ULK4: variants seen among roughly 807,000 people sequenced by gnomAD.
ULK4 encodes the protein unc-51 like kinase 4.
In ULK4, 133 loss-of-function variants were observed where a neutral mutation model predicts 160.6. The ratio of observed to expected loss-of-function variants is 0.83; its 90% CI spans 0.72 to 0.96. The LOEUF (loss-of-function observed/expected upper bound fraction) is 0.96. Ranked by LOEUF, ULK4 falls within the 40% of genes least tolerant of loss-of-function variation. The pLI is 0.00. For synonymous variants in ULK4, 534 were observed against 539.8 expected, an observed-to-expected ratio of 0.99 and a Z score of 0.15; for missense variants, 1,580 against 1,499.5, an observed-to-expected ratio of 1.05 and a Z score of -0.89.
rs555337247 is a variant in ULK4, at chr3:41,299,623, G to C, written c.3679-50049C>G. On this transcript the variant is annotated intron_variant, in intron 35 of 36. Transcript: ENST00000301831. ...TTAATGCTGCAATATTTAACTGAAA[G>C]AGTTGGGGGTCTCCTAAAAATTTAG... is the stretch of plus-strand genomic sequence containing the variant. Among the ~76,000 whole-genome samples, 6 of 152,318 alleles carry C rather than the reference G, an allele frequency of 3.9e-5. No homozygotes were observed. In the East Asian group the frequency reaches 1.2e-3, roughly 29 times the overall value.
At chr3:41,698,652 C>G (rs1010049339) in intron 27 of ULK4, among the ~76,000 whole-genome samples, 4 of 152,246 alleles carry the variant, frequency 2.6e-5, no homozygotes, top group African/African-American at 9.6e-5. Context: ...AAGTTCTAAA[C>G]CTTTTTTCAT....
intron 19 of ULK4, among the ~76,000 whole-genome samples, chr3:41,814,634 G>A (rs1272895348): frequency 6.6e-6 from 1 of 151,990 alleles, no homozygotes; most frequent in Non-Finnish European, 1.5e-5. Flanking sequence ...GTCATATTTT[G>A]CTTTCATGTA....
chr3:41,705,835 C>T (rs146746123), intron 25 of ULK4, among the ~76,000 whole-genome samples: 10 of 151,990 alleles, frequency 6.6e-5, no homozygotes, highest in Non-Finnish European at 1.5e-4. Flanking sequence ...TAAGCATTTA[C>T]GAAAGTGAGA....
intron 34 of ULK4, among the ~76,000 whole-genome samples, chr3:41,438,373 A>G (rs1354020777): frequency 6.6e-6 from 1 of 152,174 alleles, no homozygotes; most frequent in Non-Finnish European, 1.5e-5. Flanking sequence ...GCACTTTAAA[A>G]TGTGCCAGGG....
intron 35 of ULK4, among the ~76,000 whole-genome samples, chr3:41,262,558 A>G (rs1575367025): frequency 1.3e-5 from 2 of 151,636 alleles, no homozygotes; most frequent in Admixed American, 6.6e-5. Flanking sequence ...ACCTCCATTC[A>G]CCTCTCTTGC....
intron 31 of ULK4, among the ~76,000 whole-genome samples, chr3:41,580,549 A>G (rs2030228439): frequency 6.6e-6 from 1 of 152,136 alleles, no homozygotes; most frequent in Non-Finnish European, 1.5e-5. Flanking sequence ...ACTCTGAACC[A>G]CGGCATCCAA....
chr3:41,739,422 C>G (rs570401023), intron 22 of ULK4, among the ~76,000 whole-genome samples: 2 of 152,016 alleles, frequency 1.3e-5, no homozygotes, highest in African/African-American at 4.8e-5. Flanking sequence ...CAAGCCTAAT[C>G]AGAAGTGTCC....
chr3:41,859,260 G>C, intron 17 of ULK4: 1 of 547,536 alleles, frequency 1.8e-6, no homozygotes. Context: ...AGTCAAGAAA[G>C]GTGGTCTGGT....
intron 35 of ULK4, among the ~76,000 whole-genome samples, chr3:41,251,683 T>A (rs572170643): frequency 1.0e-3 from 154 of 152,314 alleles, no homozygotes; most frequent in South Asian, 4.4e-3. Flanking sequence ...GGCCATTCTG[T>A]GATGGCAGCA....
intron 2 of ULK4, among the ~76,000 whole-genome samples, chr3:41,954,243 C>T (rs1025974568): frequency 2.7e-5 from 4 of 150,740 alleles, no homozygotes; most frequent in African/African-American, 9.7e-5. Context: ...GCCTGTAGTC[C>T]CAGCTACTCT....
intron 30 of ULK4, among the ~76,000 whole-genome samples, chr3:41,623,914 T>C (rs758231907): frequency 1.3e-5 from 2 of 151,634 alleles, no homozygotes; most frequent in Non-Finnish European, 2.9e-5. Context: ...ACACATATCA[T>C]AACATTACAC....
chr3:41,953,555 C>A (rs1386802525), intron 2 of ULK4, among the ~76,000 whole-genome samples: 1 of 151,466 alleles, frequency 6.6e-6, no homozygotes, highest in African/African-American at 2.4e-5. Flanking sequence ...AGGTGTGAGC[C>A]ACCACACCCA....
intron 32 of ULK4, among the ~76,000 whole-genome samples, chr3:41,563,001 G>T (rs1300841545): frequency 3.3e-5 from 5 of 152,180 alleles, no homozygotes; most frequent in Admixed American, 1.3e-4. Flanking sequence ...GCTGCTACAG[G>T]TTGTTCCTTT....
intron 35 of ULK4, among the ~76,000 whole-genome samples, chr3:41,334,608 C>T (rs1412731564): frequency 6.6e-6 from 1 of 152,176 alleles, no homozygotes; most frequent in African/African-American, 2.4e-5. Flanking sequence ...CTGCTGGAGC[C>T]TGCTGCGTCT....
At chr3:41,713,803 C>T (rs2037177143) in intron 25 of ULK4, among the ~76,000 whole-genome samples, 1 of 152,116 alleles carries the variant, frequency 6.6e-6, no homozygotes. Context: ...ACGAGTTCTC[C>T]CCAATATACA....
chr3:41,454,600 A>C (rs948109444), intron 34 of ULK4, among the ~76,000 whole-genome samples: 1 of 152,080 alleles, frequency 6.6e-6, no homozygotes, highest in African/African-American at 2.4e-5. Flanking sequence ...AATTGGCAAA[A>C]ATATAAAGTT....
At position 41,246,677 on chromosome 3, in the gene ULK4, C is replaced by G; in HGVS notation, c.*252G>C. The G allele has an allele frequency of 4.2e-6, 2 of 480,750 alleles. No homozygotes were observed. The highest frequency in any genetic ancestry group is 7.5e-6 in the Non-Finnish European group (2 of 266,038). The allele number at this position is 480,750 out of a possible 1,614,324, so 29.8% of individuals were successfully genotyped here. ...CTGGCCCACACAGAGAGGGAAAGAA[C>G]ATTTCTGAGAACAGCTAACAAACCT... On this transcript the variant is annotated 3_prime_UTR_variant, in exon 37 of 37. Transcript: ENST00000301831.
chr3:41,545,806 T>A (rs925317816), intron 32 of ULK4, among the ~76,000 whole-genome samples: 1 of 152,156 alleles, frequency 6.6e-6, no homozygotes, highest in Non-Finnish European at 1.5e-5. Flanking sequence ...TTCATTTTTT[T>A]AAATCTTTTC....
chr3:41,938,172 T>A lies in ULK4; in HGVS notation c.164A>T (p.His55Leu). 1 of 1,613,346 alleles carries A rather than the reference T, an allele frequency of 6.2e-7. No individual in the cohort carries two copies. The highest frequency in any genetic ancestry group is 8.5e-7 in the Non-Finnish European group (1 of 1,179,660). The part of the protein sequence containing the change: ...NWVRLTREIK[H>L]KNIVTFHEWY... ...TTCATGAAAAGTTACAATATTCTTG[T>A]GTTTTATTTCACGGGTGAGACGGAC... Residue 55 changes from histidine (H) to leucine (L), a missense_variant, in exon 3 of 37, where the codon CAC becomes CTC. His to Leu is a moderately conservative substitution (Grantham distance 99). Transcript: ENST00000301831.
Sources: gnomAD v4.1 joint callset for allele counts (sites outside exome capture counted in the v4.1 genomes callset) on GRCh38, gnomAD v4.1.1 for gene constraint, MANE v1.5 for transcripts, NCBI Gene and HGNC (gene_info 2026-07-23, HGNC 2026-07-21) for gene names.